Variants in NTRK2 observed in about 807,000 individuals in gnomAD.
NTRK2 encodes the protein BDNF/NT-3 growth factors receptor.
Under a neutral mutation model 94.5 loss-of-function variants are expected in NTRK2, and 13 were observed. The observed-to-expected ratio is 0.14, with a 90% CI of 0.09 to 0.22. The LOEUF (loss-of-function observed/expected upper bound fraction) is 0.22, where lower values mean the gene tolerates loss of function less well. Among genes scored for constraint, NTRK2 ranks in the 10% least tolerant of loss-of-function variants. NTRK2 has a pLI of 1.00. For synonymous variants in NTRK2, 372 were observed against 407.4 expected (o/e 0.91, Z 1.05); for missense variants, 639 against 1,071.2 (o/e 0.60, Z 5.63).
chr9:84,832,274 C>T (rs1415337243), intron 12 of NTRK2, among the ~76,000 whole-genome samples: 1 of 152,188 alleles, frequency 6.6e-6, no homozygotes, highest in South Asian at 2.1e-4. Flanking sequence ...GGATGCTAGG[C>T]ATTTTAAAGA....
chr9:84,712,608 C>G (rs550560998), intron 6 of NTRK2, among the ~76,000 whole-genome samples: 1 of 152,000 alleles, frequency 6.6e-6, no homozygotes, highest in South Asian at 2.1e-4. Context: ...TTTTTCCTAT[C>G]GTTTTTGTGT....
chr9:84,733,641 G>A (rs1211601628), intron 9 of NTRK2, among the ~76,000 whole-genome samples: 2 of 152,180 alleles, frequency 1.3e-5, no homozygotes, highest in Non-Finnish European at 2.9e-5. Flanking sequence ...GAAACACTTG[G>A]CTGCTTATTC....
intron 2 of NTRK2, among the ~76,000 whole-genome samples, chr9:84,687,238 A>G (rs1371716586): frequency 2.6e-5 from 4 of 152,218 alleles, no homozygotes; most frequent in Admixed American, 2.0e-4. Flanking sequence ...TATGGAACCA[A>G]CATAAAATGT....
At chr9:84,964,579 G>A (rs1290859705) in intron 17 of NTRK2, among the ~76,000 whole-genome samples, 1 of 152,092 alleles carries the variant, frequency 6.6e-6, no homozygotes, top group Non-Finnish European at 1.5e-5. Context: ...CTCTTCTCTG[G>A]TATTCTGTCC....
intron 14 of NTRK2, chr9:84,872,620 T>G (rs202232910): frequency 5.3e-5 from 56 of 1,064,358 alleles, no homozygotes; most frequent in Non-Finnish European, 5.7e-5. Flanking sequence ...TTTTTCAACT[T>G]AATTCCATTT....
At chr9:84,721,886 A>G (rs992483424) in intron 6 of NTRK2, among the ~76,000 whole-genome samples, 12 of 152,172 alleles carry the variant, frequency 7.9e-5, no homozygotes, top group African/African-American at 2.9e-4. Flanking sequence ...AAGTATATAC[A>G]TATTTTTAAA....
chr9:84,715,039 C>T (rs1403055470), intron 6 of NTRK2, among the ~76,000 whole-genome samples: 1 of 152,120 alleles, frequency 6.6e-6, no homozygotes, highest in Non-Finnish European at 1.5e-5. Flanking sequence ...AGTATTTCAT[C>T]ATAGAGATAT....
intron 2 of NTRK2, among the ~76,000 whole-genome samples, chr9:84,680,769 A>G (rs1032650579): frequency 3.9e-5 from 6 of 152,080 alleles, no homozygotes; most frequent in South Asian, 4.1e-4. Context: ...CTCTTATACC[A>G]GTCCCATTCC....
At chr9:84,838,488 T>C (rs983910263) in intron 12 of NTRK2, among the ~76,000 whole-genome samples, 32 of 152,178 alleles carry the variant, frequency 2.1e-4, no homozygotes, top group African/African-American at 7.2e-4. Flanking sequence ...GATCCCAAAC[T>C]TATTTTTTAT....
rs903210493 is a variant in NTRK2, at chr9:85,025,821, G to A, written c.*4384G>A. 2.1e-5 allele frequency: 5 copies of A among 232,728 alleles called. No individual in the cohort carries two copies. The highest frequency in any genetic ancestry group is 4.4e-5 in the African/African-American group (2 of 45,296). The allele number at this position is 232,728 out of a possible 1,614,324, so 14.4% of individuals were successfully genotyped here. A position where few individuals can be genotyped will look rare whatever the true frequency, so the allele number is the denominator to read the frequency against. ...CCAAATGTCTAAGTTAGTAGTTACA[G>A]CTGATTTTTTATGATGCATAATTGG... On this transcript the variant is annotated 3_prime_UTR_variant, in exon 19 of 19. Coordinates refer to ENST00000277120, the MANE Select transcript of NTRK2 (RefSeq NM_006180.6).
chr9:84,696,172 G>T (rs2060362856), intron 2 of NTRK2, among the ~76,000 whole-genome samples: 1 of 152,112 alleles, frequency 6.6e-6, no homozygotes, highest in Non-Finnish European at 1.5e-5. Flanking sequence ...ACCATGCCCA[G>T]CTAATTTTTA....
At chr9:84,792,034 G>C (rs538577877) in intron 12 of NTRK2, among the ~76,000 whole-genome samples, 1 of 152,290 alleles carries the variant, frequency 6.6e-6, no homozygotes, top group South Asian at 2.1e-4. Flanking sequence ...TTTTCATCAT[G>C]GAATGTGAAA....
chr9:84,933,141 A>G (rs1326050480), intron 14 of NTRK2, among the ~76,000 whole-genome samples: 1 of 152,220 alleles, frequency 6.6e-6, no homozygotes, highest in Non-Finnish European at 1.5e-5. Context: ...AGGGCATCAC[A>G]ATCTCTTTTT....
At chr9:85,000,482 T>C (rs1295833679) in intron 17 of NTRK2, among the ~76,000 whole-genome samples, 1 of 152,212 alleles carries the variant, frequency 6.6e-6, no homozygotes, top group Non-Finnish European at 1.5e-5. Flanking sequence ...TGTCATGCAA[T>C]TGGAATCATA....
chr9:84,780,362 C>G (rs993203621), intron 12 of NTRK2, among the ~76,000 whole-genome samples: 2 of 152,142 alleles, frequency 1.3e-5, no homozygotes, highest in Admixed American at 1.3e-4. Context: ...TGTTTACTCT[C>G]TGGCCCTTCA....
intron 12 of NTRK2, chr9:84,812,949 CTTTTCT>C (rs2071976136): frequency 4.8e-6 from 5 of 1,032,520 alleles, no homozygotes; most frequent in Non-Finnish European, 5.8e-6. Flanking sequence ...TTCTCGTGTT[CTTTTCT>C]TTTTTTTAAT....
At chr9:85,015,633 G>A (rs1308873553) in intron 17 of NTRK2, among the ~76,000 whole-genome samples, 1 of 152,152 alleles carries the variant, frequency 6.6e-6, no homozygotes, top group East Asian at 1.9e-4. Context: ...CATGTGATAC[G>A]TTAGGCAAAG....
chr9:84,771,834 T>C (rs1305906711), intron 12 of NTRK2, among the ~76,000 whole-genome samples: 1 of 152,258 alleles, frequency 6.6e-6, no homozygotes, highest in Non-Finnish European at 1.5e-5. Context: ...TATGTTTTCC[T>C]GTTAATCTTC....
At chr9:84,810,729 C>A in intron 12 of NTRK2, 1 of 1,541,294 alleles carries the variant, frequency 6.5e-7, no homozygotes, top group Middle Eastern at 2.0e-4. Flanking sequence ...TGTTTGGAGG[C>A]TGTACTATAT....
Sources: gnomAD v4.1 joint callset for allele counts (sites outside exome capture counted in the v4.1 genomes callset) on GRCh38, gnomAD v4.1.1 for gene constraint, MANE v1.5 for transcripts, NCBI Gene and HGNC (gene_info 2026-07-23, HGNC 2026-07-21) for gene names.